SLC16A12: variants seen among roughly 807,000 people sequenced by gnomAD.
SLC16A12 encodes solute carrier family 16 member 12, also known as monocarboxylate transporter 12.
A neutral mutation model predicts 42.4 loss-of-function variants in SLC16A12; 17 were observed. The ratio of observed to expected loss-of-function variants is 0.40; its 90% confidence interval spans 0.27 to 0.60. SLC16A12 has a LOEUF of 0.60. Among genes scored for constraint, SLC16A12 ranks in the 20% least tolerant of loss-of-function variants. SLC16A12 has a pLI of 0.42. For missense variants in SLC16A12, 544 were observed against 623.0 expected, an observed-to-expected ratio of 0.87 and a Z score of 1.35; for synonymous variants, 224 against 229.4, an observed-to-expected ratio of 0.98 and a Z score of 0.21.
intron 2 of SLC16A12, among the ~76,000 whole-genome samples, chr10:89,534,271 G>C (rs1843609462): frequency 6.6e-6 from 1 of 152,100 alleles, no homozygotes; most frequent in African/African-American, 2.4e-5. Context: ...ATTTATGGAG[G>C]GGGAGCGACA....
chr10:89,537,408 C>A (rs1391286357), upstream of SLC16A12, among the ~76,000 whole-genome samples: 2 of 151,944 alleles, frequency 1.3e-5, no homozygotes, highest in Non-Finnish European at 2.9e-5. Context: ...TTTAGTCATC[C>A]CCCTCCTCTC....
intron 3 of SLC16A12, among the ~76,000 whole-genome samples, chr10:89,451,501 T>A (rs1159775414): frequency 2.6e-5 from 4 of 151,948 alleles, no homozygotes; most frequent in African/African-American, 7.3e-5. Flanking sequence ...AACCTCCGCC[T>A]CCCAGGTTCA....
intron 2 of SLC16A12, among the ~76,000 whole-genome samples, chr10:89,502,859 A>G (rs1843008117): frequency 6.6e-6 from 1 of 152,202 alleles, no homozygotes; most frequent in Non-Finnish European, 1.5e-5. Flanking sequence ...CCATCTGTCC[A>G]AGGAAGCCAA....
intron 2 of SLC16A12, among the ~76,000 whole-genome samples, chr10:89,523,482 G>A (rs1160220527): frequency 2.6e-5 from 4 of 152,120 alleles, no homozygotes; most frequent in Non-Finnish European, 5.9e-5. Flanking sequence ...GTAGAATGTG[G>A]CACTGTTGAC....
intron 2 of SLC16A12, among the ~76,000 whole-genome samples, chr10:89,518,231 C>T (rs1843288918): frequency 6.6e-6 from 1 of 152,200 alleles, no homozygotes; most frequent in South Asian, 2.1e-4. Flanking sequence ...AGGCAGAAAG[C>T]CAGAGAGCAC....
At chr10:89,526,172 T>C (rs896710507) in intron 2 of SLC16A12, among the ~76,000 whole-genome samples, 1 of 152,040 alleles carries the variant, frequency 6.6e-6, no homozygotes, top group Non-Finnish European at 1.5e-5. Flanking sequence ...ATCAACTCTT[T>C]TGGCAGTTAT....
At chr10:89,540,857 C>G (rs1461364346) in intron 2 of SLC16A12, among the ~76,000 whole-genome samples, 1 of 152,024 alleles carries the variant, frequency 6.6e-6, no homozygotes, top group Non-Finnish European at 1.5e-5. Context: ...AATCAGAAAA[C>G]CGAAGTAAAA....
At chr10:89,497,445 C>T (rs1842936221) in intron 2 of SLC16A12, among the ~76,000 whole-genome samples, 1 of 151,824 alleles carries the variant, frequency 6.6e-6, no homozygotes, top group South Asian at 2.1e-4. Context: ...ATTTTTTGGA[C>T]CAAATTGCTG....
intron 3 of SLC16A12, among the ~76,000 whole-genome samples, chr10:89,459,514 T>TTGTG (rs1385309778): frequency 2.4e-5 from 2 of 84,878 alleles, no homozygotes; most frequent in South Asian, 3.0e-4. Context: ...GTTTCTGTGT[T>TTGTG]TATGTGTGTG....
intron 2 of SLC16A12, among the ~76,000 whole-genome samples, chr10:89,515,547 A>T (rs1843237100): frequency 6.6e-6 from 1 of 152,204 alleles, no homozygotes; most frequent in Middle Eastern, 3.2e-3. Context: ...GAAACTGAAG[A>T]TAAGTGCAGT....
At chr10:89,487,964 GTATATATATA>G (rs147234370) in intron 2 of SLC16A12, among the ~76,000 whole-genome samples, 6,083 of 126,664 alleles carry the variant, frequency 0.048, 397 homozygotes, top group African/African-American at 0.15. Context: ...TGGTGTGTGT[GTATATATATA>G]TATATATATA....
chr10:89,465,873 G>A (rs951656788), intron 2 of SLC16A12, among the ~76,000 whole-genome samples: 1 of 152,206 alleles, frequency 6.6e-6, no homozygotes, highest in African/African-American at 2.4e-5. Flanking sequence ...ATGAGCTATG[G>A]AGAGAAGTCC....
At position 89,436,052 on chromosome 10, in the gene SLC16A12, A is replaced by C; in HGVS notation, c.1288+8T>G. The C allele has an allele frequency of 4.3e-6, 7 of 1,613,676 alleles. No homozygotes were observed. Among genetic ancestry groups the C allele is most frequent in the Non-Finnish European group, 5.9e-6 (7 of 1,179,776 alleles). Reference sequence around the variant, plus strand: ...AAAGGTGGTTGGGGTTTCTCTCTGGAAACTTACCTGCGATGGGTGGGCTCA... The same window carrying C: ...AAAGGTGGTTGGGGTTTCTCTCTGGCAACTTACCTGCGATGGGTGGGCTCA... On this transcript the variant is annotated splice_region_variant and intron_variant, in intron 7 of 7. Coordinates refer to ENST00000371790, the MANE Select transcript of SLC16A12 (RefSeq NM_213606.4).
chr10:89,461,166 G>A (rs558182716), intron 3 of SLC16A12, among the ~76,000 whole-genome samples: 1 of 152,286 alleles, frequency 6.6e-6, no homozygotes, highest in Non-Finnish European at 1.5e-5. Context: ...AAATATAAAT[G>A]AGATGGATGA....
intron 2 of SLC16A12, among the ~76,000 whole-genome samples, chr10:89,530,620 C>T (rs1259175591): frequency 2.6e-5 from 4 of 152,020 alleles, no homozygotes; most frequent in Admixed American, 6.6e-5. Context: ...GGGGTTTCAC[C>T]GTGTTAGCCA....
intron 2 of SLC16A12, among the ~76,000 whole-genome samples, chr10:89,464,796 A>G (rs769584960): frequency 2.6e-5 from 4 of 152,186 alleles, no homozygotes; most frequent in Non-Finnish European, 5.9e-5. Flanking sequence ...GGCAACAAGA[A>G]TGATTCCCAC....
chr10:89,554,605 C>G (rs1179831580), intron 2 of SLC16A12, among the ~76,000 whole-genome samples: 1 of 152,118 alleles, frequency 6.6e-6, no homozygotes, highest in African/African-American at 2.4e-5. Flanking sequence ...CTGAATCCAC[C>G]TTTCCCAGAG....
intron 4 of SLC16A12, 69 bp from the exon 5 acceptor site, chr10:89,441,320 C>T: frequency 6.3e-7 from 1 of 1,595,328 alleles, no homozygotes; most frequent in Admixed American, 1.7e-5. Flanking sequence ...TGTGATGTGG[C>T]ATTGACAGAG....
At chr10:89,520,103 ACT>A (rs1461900283) in intron 2 of SLC16A12, among the ~76,000 whole-genome samples, 2 of 150,880 alleles carry the variant, frequency 1.3e-5, no homozygotes, top group African/African-American at 2.4e-5. Context: ...ACAGAGCAAG[ACT>A]CTGTCTGAAA....
Sources: allele counts gnomAD v4.1 joint callset (sites outside exome capture counted in the v4.1 genomes callset), GRCh38; gene constraint gnomAD v4.1.1; transcripts MANE v1.5; gene names NCBI Gene and HGNC (gene_info 2026-07-23, HGNC 2026-07-21).